TRPM4: variants seen among roughly 807,000 people sequenced by gnomAD.
The protein encoded by TRPM4 is transient receptor potential cation channel subfamily M member 4.
A neutral mutation model predicts 135.6 loss-of-function variants in TRPM4; 124 were observed. The ratio of observed to expected loss-of-function variants is 0.91; its 90% CI spans 0.79 to 1.06. The LOEUF (loss-of-function observed/expected upper bound fraction) is 1.06, where lower values mean the gene tolerates loss of function less well. Among genes scored for constraint, TRPM4 ranks in the 50% least tolerant of loss-of-function variants. The pLI is 0.00. For synonymous variants in TRPM4, 745 were observed against 705.6 expected (o/e 1.06, Z -0.88); for missense variants, 1,658 against 1,671.4 (o/e 0.99, Z 0.14).
intron 2 of TRPM4, among the ~76,000 whole-genome samples, chr19:49,163,642 C>A (rs1180265729): frequency 6.6e-6 from 1 of 152,118 alleles, no homozygotes; most frequent in African/African-American, 2.4e-5. Flanking sequence ...CAGGCGTGCA[C>A]CACCACACCT....
At position 49,158,223 on chromosome 19, in the gene TRPM4, C is replaced by G; in HGVS notation, c.56C>G (p.Thr19Ser). The change falls in exon 2 of 25, where the codon ACC becomes AGC. Residue 19 changes from threonine (T) to serine (S), a missense_variant. Around this residue, in one of 3 missense-constraint regions of TRPM4, gnomAD observed 239 missense variants for 240.1 expected, o/e 1.00. Coordinates refer to ENST00000252826, the MANE Select transcript of TRPM4 (RefSeq NM_017636.4). ...SWIPKIFKKK[T>S]CTTFIVDSTD... ...ATCCCCAAGATCTTCAAGAAGAAGA[C>G]CTGCACGACGTTCATAGTTGACTCC... The G allele has an allele frequency of 3.1e-6, 5 of 1,613,912 alleles. No homozygotes were observed. Among genetic ancestry groups the G allele is most frequent in the Non-Finnish European group, 4.2e-6 (5 of 1,179,950 alleles).
At chr19:49,160,609 T>C (rs1294434458) in intron 2 of TRPM4, among the ~76,000 whole-genome samples, 2 of 151,962 alleles carry the variant, frequency 1.3e-5, no homozygotes, top group African/African-American at 4.8e-5. Context: ...GGGAGCACTG[T>C]CATGAGAGAA....
At chr19:49,189,230 T>C (rs1253449752) in intron 14 of TRPM4, 139 bp downstream of exon 14, 4 of 1,315,944 alleles carry the variant, frequency 3.0e-6, no homozygotes, top group Non-Finnish European at 4.2e-6. Context: ...GTCTCTCTTC[T>C]CTCTCAGAAA....
At chr19:49,173,154 C>T (rs936681367) in intron 9 of TRPM4, among the ~76,000 whole-genome samples, 1 of 151,552 alleles carries the variant, frequency 6.6e-6, no homozygotes, top group Non-Finnish European at 1.5e-5. Context: ...CCTGAGAATG[C>T]CATCTGCTCA....
intron 3 of TRPM4, 137 bp downstream of exon 3, chr19:49,166,352 C>A: frequency 1.2e-6 from 1 of 863,530 alleles, no homozygotes; most frequent in Non-Finnish European, 1.7e-6. Flanking sequence ...TCCCCTCCGC[C>A]CCACCTATCT....
intron 15 of TRPM4, 90 bp downstream of exon 15, chr19:49,190,410 C>A: frequency 8.5e-7 from 1 of 1,181,348 alleles, no homozygotes; most frequent in Non-Finnish European, 1.2e-6. Flanking sequence ...CTTCCCTCAT[C>A]GGCCCATTGT....
At chr19:49,183,006 A>G (rs1600461395) in intron 11 of TRPM4, 72 bp from the exon 12 acceptor site, 3 of 1,602,354 alleles carry the variant, frequency 1.9e-6, no homozygotes, top group East Asian at 2.2e-5. Flanking sequence ...GCGTGGCCAA[A>G]CCAGAGGCAG....
At position 49,196,885 on chromosome 19, in the gene TRPM4, C is replaced by CG. The variant is rs1414877615; in HGVS notation, c.2645+15dup. The CG allele has an allele frequency of 1.9e-6, 3 of 1,568,088 alleles. No homozygotes were observed. Among genetic ancestry groups the CG allele is most frequent in the African/African-American group, 2.7e-5 (2 of 74,062 alleles). On this transcript the variant is annotated intron_variant, in intron 17 of 24. Transcript: ENST00000252826. ...GGGCGTGGGCTGCCGGTGAGTGCCC[C>CG]GGGGCCTTGGAACCCTGGCCCCTGG...
chr19:49,207,466 T>TA (rs1969190796), intron 20 of TRPM4, among the ~76,000 whole-genome samples: 1 of 151,016 alleles, frequency 6.6e-6, no homozygotes, highest in Non-Finnish European at 1.5e-5. Context: ...CTTATCTCAA[T>TA]AAAAAAATAA....
intron 20 of TRPM4, among the ~76,000 whole-genome samples, chr19:49,204,978 G>C (rs2145981547): frequency 8.1e-6 from 1 of 122,748 alleles, no homozygotes; most frequent in South Asian, 2.3e-4. Flanking sequence ...CATTGGCTTT[G>C]GTTGTTTTTT....
chr19:49,195,120 T>C (rs1968583013), intron 16 of TRPM4, among the ~76,000 whole-genome samples: 2 of 152,074 alleles, frequency 1.3e-5, no homozygotes, highest in Admixed American at 1.3e-4. Context: ...CCACATATCA[T>C]ACCGTTCACT....
Position 49,167,981 on chromosome 19 carries a change from G to A in TRPM4, c.332G>A (p.Gly111Asp), listed in dbSNP as rs1280973832. ...TATAGTCTGGTCACACGCACATGGG[G>A]CTTCCGTGCCCCGAACCTGGTGGTG... is the stretch of plus-strand genomic sequence containing the variant. ...AVYSLVTRTW[G>D]FRAPNLVVSV... Residue 111 changes from glycine (G) to aspartate (D), a missense_variant, in exon 4 of 25, where the codon GGC becomes GAC. Coordinates refer to ENST00000252826, the MANE Select transcript of TRPM4 (RefSeq NM_017636.4). 1.2e-6 allele frequency: 2 copies of A among 1,613,920 alleles called. No homozygotes were observed. Among genetic ancestry groups the A allele is most frequent in the African/African-American group, 2.7e-5 (2 of 74,944 alleles).
chr19:49,195,984 G>A (rs770418696), intron 16 of TRPM4, among the ~76,000 whole-genome samples: 10 of 151,342 alleles, frequency 6.6e-5, no homozygotes, highest in Non-Finnish European at 1.3e-4. Context: ...TCAGCCTCCC[G>A]AGTATGTGGG....
intron 2 of TRPM4, among the ~76,000 whole-genome samples, chr19:49,163,125 A>AC (rs34166335): frequency 0.31 from 46,519 of 151,468 alleles, 7,247 homozygotes; most frequent in South Asian, 0.39. Flanking sequence ...GCTACAAAGA[A>AC]CCCATGCAGC....
intron 5 of TRPM4, 34 bp downstream of exon 5, chr19:49,168,457 G>A: frequency 6.2e-7 from 1 of 1,613,878 alleles, no homozygotes; most frequent in Non-Finnish European, 8.5e-7. Flanking sequence ...GGGGGCTGGA[G>A]GCCTGGACTC....
chr19:49,165,780 C>T (rs968054644), intron 2 of TRPM4, among the ~76,000 whole-genome samples: 2 of 152,170 alleles, frequency 1.3e-5, no homozygotes, highest in Non-Finnish European at 2.9e-5. Context: ...CTTGAGGCTC[C>T]TCAGGTGACA....
chr19:49,197,385 TTC>T (rs1968728803), intron 17 of TRPM4, among the ~76,000 whole-genome samples: 3 of 149,900 alleles, frequency 2.0e-5, no homozygotes, highest in South Asian at 2.1e-4. Context: ...TTTTCTTTCT[TTC>T]TCTTTTCTTT....
intron 16 of TRPM4, among the ~76,000 whole-genome samples, chr19:49,195,163 G>T (rs567439525): frequency 6.6e-6 from 1 of 152,122 alleles, no homozygotes; most frequent in African/African-American, 2.4e-5. Context: ...GCTTCTTGGT[G>T]TACTCACAGA....
intron 6 of TRPM4, among the ~76,000 whole-genome samples, chr19:49,168,947 G>A (rs570685001): frequency 5.7e-4 from 87 of 152,006 alleles, no homozygotes; most frequent in Non-Finnish European, 1.1e-3. Flanking sequence ...CGAGGTAGGA[G>A]GATTGCTTGA....
Sources: allele counts gnomAD v4.1 joint callset (sites outside exome capture counted in the v4.1 genomes callset), GRCh38; gene constraint gnomAD v4.1.1; regional missense constraint gnomAD v4.1.1; transcripts MANE v1.5; gene names NCBI Gene and HGNC (gene_info 2026-07-23, HGNC 2026-07-21).